RIMS1: variants seen among roughly 807,000 people sequenced by gnomAD.
The protein encoded by RIMS1 is regulating synaptic membrane exocytosis 1.
Under a neutral mutation model 214.1 loss-of-function variants are expected in RIMS1, and 83 were observed. The observed-to-expected ratio is 0.39, with a 90% CI of 0.32 to 0.47. The LOEUF is 0.47. Among genes scored for constraint, RIMS1 ranks in the 20% least tolerant of loss-of-function variants. The pLI is 0.99. For missense variants in RIMS1, 2,050 were observed against 2,161.8 expected (o/e 0.95, Z 1.03); for synonymous variants, 793 against 786.8 (o/e 1.01, Z -0.13).
intron 25 of RIMS1, among the ~76,000 whole-genome samples, chr6:72,291,274 G>C (rs1398635205): frequency 6.6e-6 from 1 of 152,144 alleles, no homozygotes; most frequent in Non-Finnish European, 1.5e-5. Context: ...AAGTTCTTCA[G>C]TTTGAAAAGT....
At chr6:72,271,209 T>C in intron 22 of RIMS1, among the ~76,000 whole-genome samples, 1 of 145,192 alleles carries the variant, frequency 6.9e-6, no homozygotes, top group Non-Finnish European at 1.5e-5. Context: ...GAGGTTGCAG[T>C]GAGCCAAGAT....
rs555946067 is a variant in RIMS1, at chr6:72,071,294, G to T, written c.246-25655G>T. On this transcript the variant is annotated intron_variant, in intron 2 of 33. Coordinates refer to ENST00000521978, the MANE Select transcript of RIMS1 (RefSeq NM_014989.7). ...TTCATGCCTGTAGTCCCAGCTGCTT[G>T]GGAGGCTGAGGTGGGAGGATAACTT... Among the ~76,000 whole-genome samples, 190 of 152,196 alleles carry T rather than the reference G, an allele frequency of 1.2e-3. No individual in the cohort carries two copies. In the South Asian group the frequency reaches 0.017, roughly 14 times the overall value.
chr6:72,209,900 CA>C lies in RIMS1; in HGVS notation c.1679-23849del, dbSNP rs200401100. 9.5e-3 allele frequency among the ~76,000 whole-genome samples: 1,095 copies of C among 115,498 alleles called. 1 individual carries two copies. The highest frequency in any genetic ancestry group is 0.014 in the Non-Finnish European group (710 of 50,342). The allele number at this position is 115,498 out of a possible 152,430, so 75.8% of individuals were successfully genotyped here. On this transcript the variant is annotated intron_variant, in intron 6 of 33. Coordinates refer to ENST00000521978, the MANE Select transcript of RIMS1 (RefSeq NM_014989.7). ...TGGGCGACAGAGTGAGACTCTGTCTCAAAAAAAAAAAAAAAAAAAAAAAAGG... is the reference window on the plus strand; with the variant it reads ...TGGGCGACAGAGTGAGACTCTGTCTCAAAAAAAAAAAAAAAAAAAAAAAGG...
chr6:72,074,501 A>G (rs747478403), intron 2 of RIMS1, among the ~76,000 whole-genome samples: 11 of 151,978 alleles, frequency 7.2e-5, no homozygotes, highest in Non-Finnish European at 1.5e-4. Context: ...CCATCTCTAC[A>G]AAATATACAA....
At chr6:72,040,004 C>T (rs1487368715) in intron 2 of RIMS1, among the ~76,000 whole-genome samples, 1 of 152,028 alleles carries the variant, frequency 6.6e-6, no homozygotes, top group East Asian at 1.9e-4. Context: ...TAAGCCAGAA[C>T]TGGTAACTTA....
chr6:72,128,532 A>G (rs2039965342), intron 4 of RIMS1, among the ~76,000 whole-genome samples: 1 of 152,178 alleles, frequency 6.6e-6, no homozygotes, highest in South Asian at 2.1e-4. Context: ...CTAGCTAACC[A>G]CGAGTGAGTC....
intron 26 of RIMS1, among the ~76,000 whole-genome samples, chr6:72,304,572 A>G (rs181399844): frequency 1.8e-4 from 27 of 152,038 alleles, no homozygotes; most frequent in Non-Finnish European, 1.3e-4. Flanking sequence ...CAATACAGAA[A>G]TAATGTCATT....
At chr6:71,899,785 T>C (rs914038556) in intron 1 of RIMS1, among the ~76,000 whole-genome samples, 1 of 152,118 alleles carries the variant, frequency 6.6e-6, no homozygotes, top group Admixed American at 6.6e-5. Flanking sequence ...TGGTGGACAG[T>C]TGGCCCAAGG....
rs1039898899 is a variant in RIMS1 at position 72,274,314 on chromosome 6, C to T, written c.3399-35C>T. The T allele has an allele frequency of 1.6e-5, 24 of 1,454,796 alleles. No homozygotes were observed. The Admixed American group carries it at 2.9e-4, about 17-fold the overall frequency. The allele number at this position is 1,454,796 out of a possible 1,614,324, so 90.1% of individuals were successfully genotyped here. On this transcript the variant is annotated intron_variant, in intron 22 of 33. Transcript: ENST00000521978. ...TTTTATTTTAGGAGTTACTAAATGT[C>T]CTGTTTTTTCCTGTCTTGTTCACTG... is the stretch of plus-strand genomic sequence containing the variant.
intron 4 of RIMS1, among the ~76,000 whole-genome samples, chr6:72,176,390 G>A (rs1424808091): frequency 6.6e-6 from 1 of 152,128 alleles, no homozygotes; most frequent in Non-Finnish European, 1.5e-5. Context: ...AAAATGTACT[G>A]TAGAGGTCTG....
At chr6:72,276,810 A>G (rs2086701636) in intron 23 of RIMS1, among the ~76,000 whole-genome samples, 1 of 152,252 alleles carries the variant, frequency 6.6e-6, no homozygotes, top group Non-Finnish European at 1.5e-5. Flanking sequence ...CACTTGGCAA[A>G]TCGTAATGAA....
At chr6:72,069,287 C>G (rs991983579) in intron 2 of RIMS1, among the ~76,000 whole-genome samples, 1 of 152,206 alleles carries the variant, frequency 6.6e-6, no homozygotes, top group Non-Finnish European at 1.5e-5. Context: ...ATTAGAATAG[C>G]AGCAGCTTCT....
At chr6:72,261,226 T>A (rs2077849064) in intron 19 of RIMS1, 1 of 1,004,362 alleles carries the variant, frequency 1.0e-6, no homozygotes, top group African/African-American at 1.7e-5. Flanking sequence ...ATATTCTGTT[T>A]GCTTTTGATA....
At position 72,008,406 on chromosome 6, in the gene RIMS1, C is replaced by G. The variant is rs528283900; in HGVS notation, c.245+39343C>G. On this transcript the variant is annotated intron_variant, in intron 2 of 33. Coordinates refer to ENST00000521978, the MANE Select transcript of RIMS1 (RefSeq NM_014989.7). Reference sequence around the variant, plus strand: ...AAAGACCGTCGAGGCTAGGAAGAAACTGCATCAACTAACGAGCAAAATAAC... The same window carrying G: ...AAAGACCGTCGAGGCTAGGAAGAAAGTGCATCAACTAACGAGCAAAATAAC... 2.0e-5 allele frequency among the ~76,000 whole-genome samples: 3 copies of G among 152,294 alleles called. No homozygotes were observed. The East Asian group carries it at 5.8e-4, about 29-fold the overall frequency.
chr6:71,958,128 GTTA>G (rs923142321), intron 1 of RIMS1, among the ~76,000 whole-genome samples: 4 of 152,036 alleles, frequency 2.6e-5, no homozygotes, highest in African/African-American at 9.7e-5. Context: ...ATAAATCTAA[GTTA>G]TTATTATTGC....
intron 2 of RIMS1, among the ~76,000 whole-genome samples, chr6:72,036,742 A>G (rs140833673): frequency 8.3e-4 from 127 of 152,328 alleles, no homozygotes; most frequent in African/African-American, 3.0e-3. Flanking sequence ...AACTAGATAT[A>G]TTCTTCAAAA....
At chr6:71,888,949 A>G (rs1033290663) in intron 1 of RIMS1, among the ~76,000 whole-genome samples, 2 of 152,066 alleles carry the variant, frequency 1.3e-5, no homozygotes, top group African/African-American at 4.8e-5. Flanking sequence ...GAAGTAATGG[A>G]TGGTGTCTGA....
intron 27 of RIMS1, among the ~76,000 whole-genome samples, chr6:72,311,161 A>G (rs2095491653): frequency 6.6e-6 from 1 of 152,336 alleles, no homozygotes; most frequent in East Asian, 1.9e-4. Flanking sequence ...CTAACACCCA[A>G]AACAGGGATT....
At chr6:72,196,369 G>A (rs537921168) in intron 6 of RIMS1, among the ~76,000 whole-genome samples, 1 of 122,960 alleles carries the variant, frequency 8.1e-6, no homozygotes, top group African/African-American at 3.3e-5. Flanking sequence ...CTGTCTGTCT[G>A]TCTGTCTGTC....
Sources: gnomAD v4.1 joint callset for allele counts (sites outside exome capture counted in the v4.1 genomes callset) on GRCh38, gnomAD v4.1.1 for gene constraint, MANE v1.5 for transcripts, NCBI Gene and HGNC (gene_info 2026-07-23, HGNC 2026-07-21) for gene names.